Variants in NTRK3 observed in about 807,000 individuals in gnomAD.
NTRK3 encodes neurotrophic receptor tyrosine kinase 3.
Under a neutral mutation model 91.7 loss-of-function variants are expected in NTRK3, and 24 were observed. The observed-to-expected ratio is 0.26, with a 90% confidence interval of 0.19 to 0.37. The LOEUF (loss-of-function observed/expected upper bound fraction) is 0.37. Ranked by LOEUF, NTRK3 falls within the 10% of genes least tolerant of loss-of-function variation. NTRK3 has a pLI of 1.00. For synonymous variants in NTRK3, 483 were observed against 404.0 expected (o/e 1.20, Z -2.34); for missense variants, 880 against 1,068.9 (o/e 0.82, Z 2.46).
chr15:88,035,088 A>C (rs772888139), intron 13 of NTRK3, among the ~76,000 whole-genome samples: 31 of 152,232 alleles, frequency 2.0e-4, no homozygotes, highest in Non-Finnish European at 3.7e-4. Context: ...TAGTTCAATA[A>C]TATTTTGGAA....
chr15:88,005,480 G>A (rs533397770), intron 14 of NTRK3, among the ~76,000 whole-genome samples: 1 of 152,266 alleles, frequency 6.6e-6, no homozygotes, highest in South Asian at 2.1e-4. Flanking sequence ...AAAACACACT[G>A]TTCTGCATGG....
intron 5 of NTRK3, among the ~76,000 whole-genome samples, chr15:88,178,962 C>T (rs534351655): frequency 6.6e-6 from 1 of 152,346 alleles, no homozygotes; most frequent in South Asian, 2.1e-4. Context: ...TAAAAAAGTA[C>T]ACGGACTTCA....
intron 14 of NTRK3, among the ~76,000 whole-genome samples, chr15:88,032,238 C>A (rs2078605745): frequency 6.6e-6 from 1 of 151,936 alleles, no homozygotes; most frequent in Non-Finnish European, 1.5e-5. Context: ...AGCAGAAGGA[C>A]AAGGAGAGGG....
chr15:88,101,247 C>G, intron 13 of NTRK3, among the ~76,000 whole-genome samples: 1 of 152,148 alleles, frequency 6.6e-6, no homozygotes, highest in East Asian at 1.9e-4. Context: ...ATTTATGCAA[C>G]CAAAAGACAC....
At chr15:88,042,336 T>C (rs1362649774) in intron 13 of NTRK3, among the ~76,000 whole-genome samples, 2 of 152,210 alleles carry the variant, frequency 1.3e-5, no homozygotes, top group African/African-American at 4.8e-5. Context: ...AGAGGCCAAG[T>C]GAACACGGGC....
At chr15:88,127,182 G>A (rs781510220) in exon 12 of NTRK3, 1 of 1,613,976 alleles carries the variant, frequency 6.2e-7, no homozygotes, top group Admixed American at 1.7e-5. Flanking sequence ...TCTTCTTCTG[G>A]TTTGTGGGTC....
At chr15:88,099,438 G>A (rs929901836) in intron 13 of NTRK3, among the ~76,000 whole-genome samples, 2 of 152,196 alleles carry the variant, frequency 1.3e-5, no homozygotes, top group African/African-American at 2.4e-5. Flanking sequence ...CTGCAAAGAC[G>A]TGTATTATGA....
chr15:88,072,733 T>A (rs2047201062), intron 13 of NTRK3: 1 of 232,650 alleles, frequency 4.3e-6, no homozygotes, highest in Non-Finnish European at 8.5e-6. Context: ...GGCTGAGAGG[T>A]TTGGCAACCT....
chr15:87,916,494 C>T, intron 17 of NTRK3: 1 of 701,952 alleles, frequency 1.4e-6, no homozygotes, highest in South Asian at 1.5e-5. Flanking sequence ...TTCAACGTCT[C>T]AGAATTTTCT....
intron 14 of NTRK3, among the ~76,000 whole-genome samples, chr15:88,008,056 A>G (rs1192447355): frequency 6.6e-6 from 1 of 152,218 alleles, no homozygotes; most frequent in African/African-American, 2.4e-5. Context: ...CCCATACACT[A>G]GAGAGAGGTT....
chr15:88,238,464 G>A (rs2052013395), intron 3 of NTRK3, among the ~76,000 whole-genome samples: 1 of 152,004 alleles, frequency 6.6e-6, no homozygotes, highest in Non-Finnish European at 1.5e-5. Context: ...AAAAAAGACA[G>A]AATATAAACA....
chr15:87,965,609 G>A (rs1274516634), intron 14 of NTRK3, among the ~76,000 whole-genome samples: 4 of 152,206 alleles, frequency 2.6e-5, no homozygotes, highest in Admixed American at 6.5e-5. Flanking sequence ...GGTCACCAAA[G>A]GACCGTGGTG....
chr15:87,902,768 T>TTCTATTTCTAGAAATACAATG (rs1266487040), intron 17 of NTRK3, among the ~76,000 whole-genome samples: 5 of 152,190 alleles, frequency 3.3e-5, no homozygotes, highest in Admixed American at 2.0e-4. Context: ...TCAAGTTAGT[T>TTCTATTTCTAGAAATACAATG]TCTATTTCTA....
rs1477984728 is a variant in NTRK3, at chr15:88,241,863, G to A, written c.248+14043C>T. 1.3e-5 allele frequency among the ~76,000 whole-genome samples: 2 copies of A among 152,154 alleles called. No individual in the cohort carries two copies. The highest frequency in any genetic ancestry group is 2.9e-5 in the Non-Finnish European group (2 of 68,030). On this transcript the variant is annotated intron_variant, in intron 3 of 18. Transcript: ENST00000394480. This position sits in a 1 kb window ranked among gnomAD's most constrained non-coding sequence, Gnocchi z 4.3. Reference sequence around the variant, plus strand: ...GGCCCACCTCCCCTCTCCAGAGGTCGATTTCCAGGTGCAGGGAGAGGCCAG... The same window carrying A: ...GGCCCACCTCCCCTCTCCAGAGGTCAATTTCCAGGTGCAGGGAGAGGCCAG...
At chr15:88,095,849 G>A (rs1301173008) in intron 13 of NTRK3, among the ~76,000 whole-genome samples, 1 of 152,150 alleles carries the variant, frequency 6.6e-6, no homozygotes, top group African/African-American at 2.4e-5. Flanking sequence ...CAGCTTATCT[G>A]AGTGGTAACA....
chr15:87,885,837 A>C, intron 17 of NTRK3, 102 bp from the exon 18 acceptor site: 1 of 450,832 alleles, frequency 2.2e-6, no homozygotes. Flanking sequence ...ACACATGTTC[A>C]AGAAGCCATC....
chr15:88,007,837 G>A (rs563003123), intron 14 of NTRK3, among the ~76,000 whole-genome samples: 3 of 152,192 alleles, frequency 2.0e-5, no homozygotes, highest in East Asian at 1.9e-4. Flanking sequence ...CAGTAATCTC[G>A]TCTGTAAAAT....
At chr15:88,141,591 G>A (rs1296535480) in intron 6 of NTRK3, among the ~76,000 whole-genome samples, 1 of 152,230 alleles carries the variant, frequency 6.6e-6, no homozygotes, top group Non-Finnish European at 1.5e-5. Flanking sequence ...TATTAAGTAG[G>A]TGTAAAAATA....
chr15:87,882,103 T>C (rs1297827221), intron 17 of NTRK3, among the ~76,000 whole-genome samples: 9 of 151,828 alleles, frequency 5.9e-5, no homozygotes, highest in Admixed American at 5.2e-4. Context: ...ACCGCATTGG[T>C]CAGGCTGGTC....
Sources: allele counts gnomAD v4.1 joint callset (sites outside exome capture counted in the v4.1 genomes callset), GRCh38; gene constraint gnomAD v4.1.1; non-coding constraint Gnocchi (gnomAD v3.1); transcripts MANE v1.5; gene names NCBI Gene and HGNC (gene_info 2026-07-23, HGNC 2026-07-21).